SKIC3: variants seen among roughly 807,000 people sequenced by gnomAD.
SKIC3 encodes the protein SKI3 subunit of superkiller complex.
the SKIC3 span, among the ~76,000 whole-genome samples, chr5:95,492,091 T>C: frequency 6.6e-6 from 1 of 152,178 alleles, no homozygotes; most frequent in Admixed American, 6.5e-5. Context: ...CAAATACTTT[T>C]ACAAAAAGTT....
the SKIC3 span, among the ~76,000 whole-genome samples, chr5:95,505,041 A>G: frequency 3.3e-5 from 5 of 152,106 alleles, no homozygotes; most frequent in African/African-American, 9.7e-5. Context: ...AAACTGTAAT[A>G]TATACTAAAG....
At chr5:95,512,169 A>C in the SKIC3 span, among the ~76,000 whole-genome samples, 2 of 152,200 alleles carry the variant, frequency 1.3e-5, no homozygotes, top group East Asian at 3.8e-4. Flanking sequence ...AGTTAAAGGC[A>C]AAGCGAGAAC....
chr5:95,498,568 GTGGTTGGTTCCTT>G, the SKIC3 span: 1 of 1,613,750 alleles, frequency 6.2e-7, no homozygotes, highest in African/African-American at 1.3e-5. Context: ...AAGGCTTTCT[GTGGTTGGTTCCTT>G]TAAGATAGAG....
chr5:95,538,080 T>C, the SKIC3 span, among the ~76,000 whole-genome samples: 1 of 152,118 alleles, frequency 6.6e-6, no homozygotes, highest in African/African-American at 2.4e-5. Context: ...ATAAATCCCC[T>C]CATCCTTTTA....
chr5:95,550,374 T>C, the SKIC3 span, among the ~76,000 whole-genome samples: 2 of 149,800 alleles, frequency 1.3e-5, no homozygotes, highest in South Asian at 2.1e-4. Flanking sequence ...ATAGTAATGA[T>C]AATGACAACG....
At chr5:95,504,749 C>A in the SKIC3 span, among the ~76,000 whole-genome samples, 2 of 151,908 alleles carry the variant, frequency 1.3e-5, no homozygotes, top group African/African-American at 4.8e-5. Flanking sequence ...ACCTGTAATC[C>A]CAGCACTTTG....
chr5:95,503,418 C>G, the SKIC3 span, among the ~76,000 whole-genome samples: 2 of 152,300 alleles, frequency 1.3e-5, no homozygotes, highest in African/African-American at 4.8e-5. Flanking sequence ...TGTGAAAATG[C>G]ATCATATAAC....
chr5:95,491,555 T>A, the SKIC3 span, among the ~76,000 whole-genome samples: 6 of 152,350 alleles, frequency 3.9e-5, no homozygotes, highest in East Asian at 5.8e-4. Flanking sequence ...TATATGACTA[T>A]CTATCCCTCA....
chr5:95,531,513 C>G, the SKIC3 span, among the ~76,000 whole-genome samples: 8 of 152,114 alleles, frequency 5.3e-5, no homozygotes, highest in African/African-American at 1.9e-4. Context: ...TCCATACACC[C>G]TATACCCTCC....
At chr5:95,525,660 T>C in the SKIC3 span, 4 of 1,614,010 alleles carry the variant, frequency 2.5e-6, no homozygotes, top group South Asian at 1.1e-5. Flanking sequence ...TGGGATATTA[T>C]CTGCATCAGA....
At chr5:95,550,355 T>C in the SKIC3 span, among the ~76,000 whole-genome samples, 1 of 147,856 alleles carries the variant, frequency 6.8e-6, no homozygotes, top group Non-Finnish European at 1.5e-5. Flanking sequence ...AAAACAACAA[T>C]AATAATAAAT....
At chr5:95,484,030 T>A in the SKIC3 span, among the ~76,000 whole-genome samples, 30 of 152,234 alleles carry the variant, frequency 2.0e-4, no homozygotes, top group African/African-American at 2.9e-4. Flanking sequence ...AAATAAAAAA[T>A]TTTTTAAAGA....
the SKIC3 span, chr5:95,512,654 AT>A: frequency 6.2e-7 from 1 of 1,612,676 alleles, no homozygotes; most frequent in Non-Finnish European, 8.5e-7. Flanking sequence ...ACATAGGATA[AT>A]AAATGTGTCA....
chr5:95,552,731 CT>C, the SKIC3 span, among the ~76,000 whole-genome samples: 1 of 151,936 alleles, frequency 6.6e-6, no homozygotes, highest in African/African-American at 2.4e-5. Context: ...GTTACATTCT[CT>C]TGAGTACCTT....
chr5:95,521,939 C>T, the SKIC3 span: 6 of 1,317,314 alleles, frequency 4.6e-6, no homozygotes, highest in Non-Finnish European at 6.4e-6. Context: ...TGGATGCTTG[C>T]TGTTGACTAA....
chr5:95,473,550 A>C, the SKIC3 span, among the ~76,000 whole-genome samples: 2 of 152,206 alleles, frequency 1.3e-5, no homozygotes. Flanking sequence ...TGCTGGGATT[A>C]CAGGCATAAG....
At chr5:95,503,775 A>G in the SKIC3 span, 12 of 1,611,534 alleles carry the variant, frequency 7.4e-6, no homozygotes, top group Non-Finnish European at 1.0e-5. Context: ...ATTAAACTCG[A>G]CTCTAAATGT....
chr5:95,498,310 A>C, the SKIC3 span: 1 of 1,529,444 alleles, frequency 6.5e-7, no homozygotes, highest in Non-Finnish European at 9.1e-7. Flanking sequence ...TAAAGTCCCA[A>C]TGTCAAATGC....
the SKIC3 span, chr5:95,498,296 T>G: frequency 1.4e-6 from 2 of 1,458,064 alleles, no homozygotes; most frequent in Non-Finnish European, 1.9e-6. Context: ...TTTTATAGTA[T>G]TAATAAAGTC....
Sources: allele counts gnomAD v4.1 joint callset (sites outside exome capture counted in the v4.1 genomes callset), GRCh38; gene constraint gnomAD v4.1.1; transcripts MANE v1.5; gene names NCBI Gene and HGNC (gene_info 2026-07-23, HGNC 2026-07-21).